The following NCOA2 variants were observed in gnomAD, a reference collection of about 807,000 sequenced individuals.
The protein encoded by NCOA2 is class E basic helix-loop-helix protein 75.
A neutral mutation model predicts 145.1 loss-of-function variants in NCOA2; 21 were observed. That is an observed-to-expected ratio of 0.14 (90% CI 0.10 to 0.21). The LOEUF is 0.21. NCOA2 is among the 10% of genes least tolerant of loss of function. The pLI is 1.00. For synonymous variants in NCOA2, 619 were observed against 637.5 expected (o/e 0.97, Z 0.44); for missense variants, 1,472 against 1,837.6 (o/e 0.80, Z 3.64).
At chr8:70,176,875 CT>C (rs1384285746) in intron 4 of NCOA2, among the ~76,000 whole-genome samples, 3 of 152,194 alleles carry the variant, frequency 2.0e-5, no homozygotes, top group Admixed American at 2.0e-4. Flanking sequence ...GTGTACCTCC[CT>C]TAACAGTCCT....
chr8:70,342,663 G>A (rs1328230472), intron 1 of NCOA2, among the ~76,000 whole-genome samples: 2 of 151,246 alleles, frequency 1.3e-5, no homozygotes, highest in African/African-American at 4.9e-5. Context: ...GAATGCACTA[G>A]ATATTGCAGG....
chr8:70,263,589 C>T (rs1002561517), intron 2 of NCOA2, among the ~76,000 whole-genome samples: 1 of 152,070 alleles, frequency 6.6e-6, no homozygotes, highest in African/African-American at 2.4e-5. Context: ...GAATACACAT[C>T]AATATCTGTA....
intron 4 of NCOA2, among the ~76,000 whole-genome samples, chr8:70,193,064 T>TAAAAA (rs397892713): frequency 1.2e-5 from 1 of 86,546 alleles, no homozygotes; most frequent in Non-Finnish European, 2.1e-5. Flanking sequence ...GAGACTCTAT[T>TAAAAA]AAAAAAAAAA....
At chr8:70,402,806 T>G (rs1452279650) in intron 1 of NCOA2, among the ~76,000 whole-genome samples, 1 of 125,960 alleles carries the variant, frequency 7.9e-6, no homozygotes, top group Non-Finnish European at 1.7e-5. Flanking sequence ...GCGCGCCTCC[T>G]GCATACACGC....
chr8:70,195,020 C>T (rs1817121366), intron 4 of NCOA2, among the ~76,000 whole-genome samples: 1 of 152,110 alleles, frequency 6.6e-6, no homozygotes, highest in African/African-American at 2.4e-5. Flanking sequence ...GAGTCTAGAC[C>T]CAAACCTAGG....
intron 2 of NCOA2, among the ~76,000 whole-genome samples, chr8:70,267,559 G>A (rs866838600): frequency 6.6e-6 from 1 of 151,828 alleles, no homozygotes; most frequent in South Asian, 2.1e-4. Flanking sequence ...CACCATGCCC[G>A]GCTAATTTTT....
chr8:70,143,690 A>G (rs890783982), intron 13 of NCOA2, among the ~76,000 whole-genome samples: 1 of 152,208 alleles, frequency 6.6e-6, no homozygotes, highest in African/African-American at 2.4e-5. Context: ...TTGAACTCTT[A>G]TATTCAGTTA....
At chr8:70,352,775 C>T (rs561051805) in intron 1 of NCOA2, among the ~76,000 whole-genome samples, 229 of 152,260 alleles carry the variant, frequency 1.5e-3, no homozygotes, top group Non-Finnish European at 2.1e-3. Context: ...TAACACTGGT[C>T]GTGATCCACT....
At chr8:70,328,108 C>G (rs1806757554) in intron 1 of NCOA2, among the ~76,000 whole-genome samples, 1 of 152,188 alleles carries the variant, frequency 6.6e-6, no homozygotes, top group African/African-American at 2.4e-5. Flanking sequence ...TCAGATGAGA[C>G]CGTCTGACTA....
At chr8:70,177,910 T>C (rs1815047241) in intron 4 of NCOA2, among the ~76,000 whole-genome samples, 1 of 152,356 alleles carries the variant, frequency 6.6e-6, no homozygotes, top group Non-Finnish European at 1.5e-5. Context: ...ATGGTATCTA[T>C]ACTAATGTTG....
chr8:70,452,776 A>G, the NCOA2 span, among the ~76,000 whole-genome samples: 1 of 152,154 alleles, frequency 6.6e-6, no homozygotes, highest in Non-Finnish European at 1.5e-5. Flanking sequence ...CCAAACAAAA[A>G]CATAAAACTT....
chr8:70,278,448 C>G (rs557700911), intron 2 of NCOA2, among the ~76,000 whole-genome samples: 5 of 152,198 alleles, frequency 3.3e-5, no homozygotes, highest in South Asian at 2.1e-4. Context: ...TCATAGGGAG[C>G]CTGGATATCC....
chr8:70,435,090 T>C, the NCOA2 span, among the ~76,000 whole-genome samples: 1 of 152,148 alleles, frequency 6.6e-6, no homozygotes, highest in Non-Finnish European at 1.5e-5. Flanking sequence ...ATATCTAAGA[T>C]TTTGTTTTTA....
upstream of NCOA2, among the ~76,000 whole-genome samples, chr8:70,407,607 T>C (rs1814803130): frequency 1.3e-5 from 2 of 149,852 alleles, no homozygotes; most frequent in African/African-American, 4.9e-5. Flanking sequence ...GCCAACATGG[T>C]GAAACCCCGT....
rs1291335736 is a variant in NCOA2, at chr8:70,282,612, C to T, written c.-20+14132G>A. Among the ~76,000 whole-genome samples, 5 of 150,870 alleles carry T rather than the reference C, an allele frequency of 3.3e-5. No individual in the cohort carries two copies. In the South Asian group the frequency reaches 6.3e-4, roughly 19 times the overall value. On this transcript the variant is annotated intron_variant, in intron 2 of 22. Transcript: ENST00000452400. ...CTGAGGCAGGAGAATCGCTTGAACC[C>T]GGAAGGCGGAGGTTGCAGTGAGCTG...
intron 4 of NCOA2, among the ~76,000 whole-genome samples, chr8:70,200,551 T>G (rs1044550872): frequency 1.1e-4 from 16 of 152,152 alleles, no homozygotes; most frequent in Admixed American, 8.5e-4. Flanking sequence ...ACAAAATCAT[T>G]GTGTAATTCT....
intron 1 of NCOA2, among the ~76,000 whole-genome samples, chr8:70,330,682 A>T (rs1402906635): frequency 1.3e-5 from 2 of 152,212 alleles, no homozygotes; most frequent in African/African-American, 4.8e-5. Flanking sequence ...AATTTGGAAA[A>T]GTCTTATGTC....
At chr8:70,446,505 T>C in the NCOA2 span, among the ~76,000 whole-genome samples, 61 of 152,354 alleles carry the variant, frequency 4.0e-4, no homozygotes, top group African/African-American at 1.4e-3. Flanking sequence ...TACTGTATAG[T>C]TTTGGACTAT....
At chr8:70,129,484 A>T (rs1053647171) in intron 16 of NCOA2, among the ~76,000 whole-genome samples, 2 of 152,198 alleles carry the variant, frequency 1.3e-5, no homozygotes, top group African/African-American at 4.8e-5. Flanking sequence ...TTGAATTGCA[A>T]TAAGCCCTAT....
Sources: allele counts gnomAD v4.1 joint callset (sites outside exome capture counted in the v4.1 genomes callset), GRCh38; gene constraint gnomAD v4.1.1; transcripts MANE v1.5; gene names NCBI Gene and HGNC (gene_info 2026-07-23, HGNC 2026-07-21).